Variants in IQSEC1 observed in about 807,000 individuals in gnomAD.
IQSEC1 encodes IQ motif and SEC7 domain-containing protein 1.
A neutral mutation model predicts 91.0 loss-of-function variants in IQSEC1; 31 were observed. The ratio of observed to expected loss-of-function variants is 0.34; its 90% CI spans 0.26 to 0.46. The LOEUF (loss-of-function observed/expected upper bound fraction) is 0.46, where lower values mean the gene tolerates loss of function less well. IQSEC1 is among the 20% of genes least tolerant of loss of function. IQSEC1 has a pLI of 1.00. For missense variants in IQSEC1, 1,388 were observed against 1,575.6 expected (o/e 0.88, Z 2.02); for synonymous variants, 699 against 662.6 (o/e 1.05, Z -0.84).
At chr3:13,261,929 G>GC (rs1445138408) in intron 1 of IQSEC1, among the ~76,000 whole-genome samples, 7 of 152,236 alleles carry the variant, frequency 4.6e-5, no homozygotes, top group Admixed American at 4.6e-4. Context: ...TATCTGCCCA[G>GC]TTTTTCCTTG....
At chr3:13,132,415 T>C (rs898047746) in intron 2 of IQSEC1, among the ~76,000 whole-genome samples, 3 of 152,200 alleles carry the variant, frequency 2.0e-5, no homozygotes, top group African/African-American at 7.2e-5. Context: ...CTCTGGTAGT[T>C]TTCTCACGCT....
At chr3:13,077,898 G>C (rs1705588347), upstream of IQSEC1, among the ~76,000 whole-genome samples, 3 of 152,238 alleles carry the variant, frequency 2.0e-5, no homozygotes, top group South Asian at 4.1e-4. Context: ...CACATCCACT[G>C]CTTCTCGATG....
rs1004638148 is a variant in IQSEC1 at position 13,259,889 on chromosome 3, T to C, written c.272+22822A>G. Among the ~76,000 whole-genome samples the C allele has an allele frequency of 6.6e-6, 1 of 152,278 alleles. No homozygotes were observed. Among genetic ancestry groups the C allele is most frequent in the African/African-American group, 2.4e-5 (1 of 41,482 alleles). ...TCTACCATATACAGTTATTAATGAC[T>C]TTATTTATATACCAATATTTAGTTC... is the stretch of plus-strand genomic sequence containing the variant. On this transcript the variant is annotated intron_variant, in intron 1 of 15. Transcript: ENST00000648114. This position sits in a 1 kb window ranked among gnomAD's most constrained non-coding sequence, Gnocchi z 4.6.
In IQSEC1 at chr3:12,941,873, GGAGA is replaced by G. The variant is rs754663816; in HGVS notation, c.24-12_24-9del. The stretch of plus-strand genomic sequence containing the variant: ...GGGGCCTCGCCCTCGACGCTGCAGA[GGAGA>G]GAGAGGTGAGAAGCTTCTGGTAAGC... On this transcript the variant is annotated splice_polypyrimidine_tract_variant and intron_variant, in intron 1 of 13. Transcript: ENST00000613206. 5.7e-6 allele frequency: 9 copies of G among 1,574,638 alleles called. No homozygotes were observed. The highest frequency in any genetic ancestry group is 1.1e-5 in the South Asian group (1 of 87,500).
rs1695804256 is a variant in IQSEC1 at position 13,282,139 on chromosome 3, A to G, written c.272+572T>C. 6.6e-6 allele frequency among the ~76,000 whole-genome samples: 1 copy of G among 152,176 alleles called. No individual in the cohort carries two copies. Among genetic ancestry groups the G allele is most frequent in the Non-Finnish European group, 1.5e-5 (1 of 68,014 alleles). ...GCCCCGGGTAATCCCAGGGCGAGGCAGTCGGGAATTAACCCCAGCCTTGAA... is the reference window on the plus strand; with the variant it reads ...GCCCCGGGTAATCCCAGGGCGAGGCGGTCGGGAATTAACCCCAGCCTTGAA... On this transcript the variant is annotated intron_variant, in intron 1 of 15. Transcript: ENST00000648114. This position sits in a 1 kb window ranked among gnomAD's most constrained non-coding sequence, Gnocchi z 6.4.
At chr3:13,006,687 C>T (rs933148851) in intron 1 of IQSEC1, among the ~76,000 whole-genome samples, 2 of 152,402 alleles carry the variant, frequency 1.3e-5, no homozygotes, top group African/African-American at 4.8e-5. Flanking sequence ...ACTCTAGAGA[C>T]TGCCAGCTGG....
At position 12,935,598 on chromosome 3, in the gene IQSEC1, G is replaced by A. The variant is rs1698096184; in HGVS notation, c.1418C>T (p.Ser473Phe). The change falls in exon 3 of 14, where the codon TCC becomes TTC. Residue 473 changes from serine to phenylalanine, a missense_variant. Around this residue, in one of 2 missense-constraint regions of IQSEC1, gnomAD observed 1,059 missense variants for 1,317.8 expected, o/e 0.80. Coordinates refer to ENST00000613206, the MANE Select transcript of IQSEC1 (RefSeq NM_001134382.3). The surrounding 1 kb of genome is among the most constrained non-coding windows in gnomAD (Gnocchi z 8.0). ...SNSNDTINCS[S>F]ESSSRDSLRE... ...CAGGCTGTCACGGGACGATGACTCG[G>A]AGCTGCAGTTGATGGTATCGTTGGA... 1.2e-6 allele frequency: 2 copies of A among 1,614,158 alleles called. No individual in the cohort carries two copies. The highest frequency in any genetic ancestry group is 1.7e-6 in the Non-Finnish European group (2 of 1,180,044).
intron 12 of IQSEC1, among the ~76,000 whole-genome samples, chr3:12,905,399 T>C (rs1694859654): frequency 6.6e-6 from 1 of 152,168 alleles, no homozygotes; most frequent in African/African-American, 2.4e-5. Flanking sequence ...CCTTGCTCAG[T>C]GTCAGTGACC....
At chr3:13,050,017 G>C (rs1704637814) in intron 1 of IQSEC1, among the ~76,000 whole-genome samples, 1 of 151,934 alleles carries the variant, frequency 6.6e-6, no homozygotes, top group South Asian at 2.1e-4. Context: ...AGTGGCCCCT[G>C]CCTGCCCTCT....
At chr3:13,042,072 C>T (rs1704293498) in intron 1 of IQSEC1, among the ~76,000 whole-genome samples, 3 of 152,260 alleles carry the variant, frequency 2.0e-5, no homozygotes, top group Admixed American at 2.0e-4. Flanking sequence ...TCTTTCTCTG[C>T]AGAAACTCTA....
chr3:13,166,933 C>T (rs1438806928), intron 1 of IQSEC1, among the ~76,000 whole-genome samples: 1 of 152,328 alleles, frequency 6.6e-6, no homozygotes, highest in African/African-American at 2.4e-5. Flanking sequence ...TAACATCGCC[C>T]GTCCTATGGC....
At chr3:13,061,440 T>G (rs747784157) in intron 1 of IQSEC1, among the ~76,000 whole-genome samples, 3 of 152,196 alleles carry the variant, frequency 2.0e-5, no homozygotes, top group Non-Finnish European at 2.9e-5. Context: ...AAGTGTTCGT[T>G]TATAGGTCCC....
At chr3:12,949,880 AG>A (rs1699425489) in intron 1 of IQSEC1, among the ~76,000 whole-genome samples, 1 of 152,208 alleles carries the variant, frequency 6.6e-6, no homozygotes, top group Admixed American at 6.5e-5. Flanking sequence ...GAGAACAGGC[AG>A]GTTTGTGAGG....
At chr3:13,101,022 T>C (rs1706048592) in intron 2 of IQSEC1, among the ~76,000 whole-genome samples, 1 of 122,640 alleles carries the variant, frequency 8.2e-6, no homozygotes, top group Non-Finnish European at 1.8e-5. Context: ...AGCCCATGTG[T>C]CTGAAGAGCT....
intron 2 of IQSEC1, among the ~76,000 whole-genome samples, chr3:13,088,036 C>T (rs114567325): frequency 0.025 from 3,879 of 152,314 alleles, 78 homozygotes; most frequent in Non-Finnish European, 0.037. Context: ...ATTGAAACCA[C>T]AGCACTAGAG....
intron 1 of IQSEC1, among the ~76,000 whole-genome samples, chr3:13,019,344 C>T (rs956593600): frequency 1.3e-5 from 2 of 152,234 alleles, no homozygotes; most frequent in African/African-American, 4.8e-5. Flanking sequence ...TCCACACACA[C>T]CTCTCGCTTT....
intron 2 of IQSEC1, among the ~76,000 whole-genome samples, chr3:13,085,571 C>T (rs1028097420): frequency 1.3e-5 from 2 of 152,234 alleles, no homozygotes; most frequent in East Asian, 3.8e-4. Context: ...TGTCCAGCTG[C>T]AGCCAGGTGG....
rs76122103 is a variant in IQSEC1, at chr3:13,051,796, A to C, written c.23+21196T>G. Reference sequence around the variant, plus strand: ...CTCAGTTTCCCTCTGCTAAATGAGGAAGTGGTCAGTGTTTCTATCCTGGTT... The same window carrying C: ...CTCAGTTTCCCTCTGCTAAATGAGGCAGTGGTCAGTGTTTCTATCCTGGTT... On this transcript the variant is annotated intron_variant, in intron 1 of 13. Coordinates refer to ENST00000613206, the MANE Select transcript of IQSEC1 (RefSeq NM_001134382.3). Among the ~76,000 whole-genome samples the C allele has an allele frequency of 9.8e-3, 1,488 of 152,164 alleles. 33 individuals are homozygous for C. The highest frequency in any genetic ancestry group is 0.033 in the African/African-American group (1,381 of 41,480).
At chr3:13,034,834 T>C (rs1703975894) in intron 1 of IQSEC1, among the ~76,000 whole-genome samples, 1 of 152,246 alleles carries the variant, frequency 6.6e-6, no homozygotes, top group African/African-American at 2.4e-5. Context: ...TCTGAGCTAA[T>C]GCTCGCCATC....
Sources: gnomAD v4.1 joint callset for allele counts (sites outside exome capture counted in the v4.1 genomes callset) on GRCh38, gnomAD v4.1.1 for gene constraint, gnomAD v4.1.1 regional missense constraint, Gnocchi (gnomAD v3.1) non-coding constraint, MANE v1.5 for transcripts, NCBI Gene and HGNC (gene_info 2026-07-23, HGNC 2026-07-21) for gene names.